VPS26B: variants seen among roughly 807,000 people sequenced by gnomAD.
VPS26B encodes the protein vacuolar protein sorting-associated protein 26B.
Under a neutral mutation model 33.3 loss-of-function variants are expected in VPS26B, and 10 were observed. That is an observed-to-expected ratio of 0.30 (90% confidence interval 0.19 to 0.51). The LOEUF (loss-of-function observed/expected upper bound fraction) is 0.51. Ranked by LOEUF, VPS26B falls within the 20% of genes least tolerant of loss-of-function variation. The pLI is 0.98. For missense variants in VPS26B, 317 were observed against 452.7 expected (o/e 0.70, Z 2.72); for synonymous variants, 190 against 176.9 (o/e 1.07, Z -0.59).
At chr11:134,227,568 C>T (rs1349262340) in intron 1 of VPS26B, among the ~76,000 whole-genome samples, 1 of 152,174 alleles carries the variant, frequency 6.6e-6, no homozygotes, top group African/African-American at 2.4e-5. Context: ...TTGTCTATCT[C>T]CTTACTCCTG....
At chr11:134,234,310 C>G (rs1212626895) in intron 1 of VPS26B, among the ~76,000 whole-genome samples, 1 of 152,206 alleles carries the variant, frequency 6.6e-6, no homozygotes, top group Non-Finnish European at 1.5e-5. Flanking sequence ...CTACTTCACA[C>G]AGAGCCTTGT....
At chr11:134,225,665 C>A (rs1260978525) in intron 1 of VPS26B, among the ~76,000 whole-genome samples, 1 of 152,210 alleles carries the variant, frequency 6.6e-6, no homozygotes, top group African/African-American at 2.4e-5. Context: ...TGCTTCTTGT[C>A]CCCAGGATTT....
chr11:134,229,712 G>GAAAAT, intron 1 of VPS26B, among the ~76,000 whole-genome samples: 1 of 152,134 alleles, frequency 6.6e-6, no homozygotes, highest in Non-Finnish European at 1.5e-5. Context: ...TCTGTTTGTA[G>GAAAAT]CAGCTTCCTA....
chr11:134,227,284 T>C (rs1394120656), intron 1 of VPS26B, among the ~76,000 whole-genome samples: 2 of 152,246 alleles, frequency 1.3e-5, no homozygotes, highest in African/African-American at 4.8e-5. Flanking sequence ...TCCTTGCCTA[T>C]TGAGCAAGGT....
chr11:134,242,156 G>A (rs1013194131), intron 3 of VPS26B, among the ~76,000 whole-genome samples: 2 of 152,204 alleles, frequency 1.3e-5, no homozygotes, highest in Non-Finnish European at 2.9e-5. Flanking sequence ...AGCATCCCCT[G>A]TAAGATGGCG....
chr11:134,238,385 A>G (rs1024120553), intron 2 of VPS26B, among the ~76,000 whole-genome samples: 3 of 152,132 alleles, frequency 2.0e-5, no homozygotes, highest in Admixed American at 6.5e-5. Flanking sequence ...TTAGTGGAGT[A>G]AAAGTCAGTG....
Position 134,224,720 on chromosome 11 carries a change from T to G in VPS26B, c.-403T>G, listed in dbSNP as rs1366087642. 2 of 151,472 alleles carry G rather than the reference T, an allele frequency of 1.3e-5. No individual in the cohort carries two copies. The highest frequency in any genetic ancestry group is 2.4e-5 in the African/African-American group (1 of 41,166). 9.4% of individuals were successfully genotyped at this position (151,472 alleles called of 1,614,324 possible). On this transcript the variant is annotated 5_prime_UTR_variant, in exon 1 of 6. Transcript: ENST00000281187. ...GTTGCACCGCCGGAGGCTGGGCAGC[T>G]CGCAGCGCTGCTCGGCGCTGGACCC...
Position 134,225,024 on chromosome 11 carries a change from G to C in VPS26B, c.-99G>C. 8.6e-7 allele frequency: 1 copy of C among 1,166,240 alleles called. No homozygotes were observed. The allele number at this position is 1,166,240 out of a possible 1,614,324, so 72.2% of individuals were successfully genotyped here. A position where few individuals can be genotyped will look rare whatever the true frequency, so the allele number is the denominator to read the frequency against. On this transcript the variant is annotated 5_prime_UTR_variant, in exon 1 of 6. Transcript: ENST00000281187. ...AGGCAGCCCCGCGGCGGCCGAGCGC[G>C]CTCGCGCATCGGGCCCTCTGGCCTT...
chr11:134,233,551 A>G (rs1019656400), intron 1 of VPS26B, among the ~76,000 whole-genome samples: 3 of 152,168 alleles, frequency 2.0e-5, no homozygotes, highest in African/African-American at 4.8e-5. Context: ...GTGAAACCCC[A>G]TCTCTACTAA....
At chr11:134,237,155 AC>A (rs1331600992) in intron 2 of VPS26B, among the ~76,000 whole-genome samples, 1 of 152,178 alleles carries the variant, frequency 6.6e-6, no homozygotes, top group Non-Finnish European at 1.5e-5. Flanking sequence ...ATTATTGTGG[AC>A]TTTTCTTTTG....
Position 134,244,820 on chromosome 11 carries a change from AGGCTGAAGTGCTC to A in VPS26B, c.722-116_722-104del. On this transcript the variant is annotated intron_variant, in intron 4 of 5. Transcript: ENST00000281187. This position sits in a 1 kb window ranked among gnomAD's most constrained non-coding sequence, Gnocchi z 4.0. ...AGCAGAGCGACTGCACCTTCCCAGA[AGGCTGAAGTGCTC>A]GTGTGCTGCACTCCAGTGGCATCTC... The A allele has an allele frequency of 7.2e-7, 1 of 1,387,920 alleles. No individual in the cohort carries two copies. The highest frequency in any genetic ancestry group is 9.6e-7 in the Non-Finnish European group (1 of 1,046,530). The allele number at this position is 1,387,920 out of a possible 1,614,324, so 86.0% of individuals were successfully genotyped here. A position where few individuals can be genotyped will look rare whatever the true frequency, so the allele number is the denominator to read the frequency against.
intron 1 of VPS26B, 52 bp downstream of exon 1, chr11:134,225,397 G>A (rs1349532554): frequency 6.3e-7 from 1 of 1,584,752 alleles, no homozygotes; most frequent in Non-Finnish European, 8.6e-7. Flanking sequence ...CGGCCGGGGA[G>A]CAGGGTGATT....
At chr11:134,226,113 A>T (rs1309350714) in intron 1 of VPS26B, among the ~76,000 whole-genome samples, 2 of 152,236 alleles carry the variant, frequency 1.3e-5, no homozygotes, top group Non-Finnish European at 2.9e-5. Context: ...CATTGGAACT[A>T]GACAGCGCCA....
In VPS26B at chr11:134,240,168, G is replaced by T. The variant is rs763869716; in HGVS notation, c.545+13G>T. The T allele has an allele frequency of 1.2e-6, 2 of 1,613,974 alleles. No individual in the cohort carries two copies. The highest frequency in any genetic ancestry group is 1.7e-5 in the Admixed American group (1 of 60,026). On this transcript the variant is annotated intron_variant, in intron 3 of 5. Coordinates refer to ENST00000281187, the MANE Select transcript of VPS26B (RefSeq NM_052875.5). This position sits in a 1 kb window ranked among gnomAD's most constrained non-coding sequence, Gnocchi z 4.4. Reference sequence around the variant, plus strand: ...ACAATAAATCCAAGTAAGTGTCTCAGTGCCAAGGTTGTGAAATGATTATTT... The same window carrying T: ...ACAATAAATCCAAGTAAGTGTCTCATTGCCAAGGTTGTGAAATGATTATTT...
intron 1 of VPS26B, 78 bp downstream of exon 1, chr11:134,225,423 C>A (rs1938434640): frequency 7.1e-7 from 1 of 1,413,018 alleles, no homozygotes. Flanking sequence ...CCCAGCTCCT[C>A]CGGCGAGGCC....
Position 134,225,279 on chromosome 11 carries a change from G to T in VPS26B, c.157G>T (p.Ala53Ser), listed in dbSNP as rs780349854. Residue 53 changes from alanine to serine, a missense_variant, in exon 1 of 6, where the codon GCC (alanine) becomes TCC (serine). Physicochemically the swap from Ala to Ser is moderately conservative, Grantham distance 99. Coordinates refer to ENST00000281187, the MANE Select transcript of VPS26B (RefSeq NM_052875.5). ...GACGGTCTCCGGGAAGGTGAGCCTT[G>T]CCCTCAAGAACCCCAACAAGCGGCT... ...GETVSGKVSLALKNPNKRLEH... is the reference protein window; with the variant it reads ...GETVSGKVSLSLKNPNKRLEH... 3.7e-6 allele frequency: 6 copies of T among 1,614,118 alleles called. No homozygotes were observed. Among genetic ancestry groups the T allele is most frequent in the Non-Finnish European group, 4.2e-6 (5 of 1,179,988 alleles).
intron 3 of VPS26B, among the ~76,000 whole-genome samples, chr11:134,241,069 A>G (rs150479493): frequency 1.3e-3 from 202 of 152,346 alleles, no homozygotes; most frequent in African/African-American, 4.7e-3. Flanking sequence ...AATAAATCAC[A>G]AAACTTTCTG....
At chr11:134,234,836 C>G in intron 1 of VPS26B, 61 bp from the exon 2 acceptor site, 1 of 1,576,768 alleles carries the variant, frequency 6.3e-7, no homozygotes, top group East Asian at 2.3e-5. Context: ...CAGCCCCCTA[C>G]TCGGCCCGGT....
rs1463344740 is a variant in VPS26B, at chr11:134,228,027, T to C, written c.223+2682T>C. On this transcript the variant is annotated intron_variant, in intron 1 of 5. Transcript: ENST00000281187. ...GATGGAGCCAGTCCCAGCTTTGTGC[T>C]GAAGTATATTGTTCACGCTCAATTA... Among the ~76,000 whole-genome samples the C allele has an allele frequency of 8.5e-5, 13 of 152,370 alleles. No individual in the cohort carries two copies. In the Middle Eastern group the frequency reaches 0.01, roughly 120 times the overall value.
Sources: gnomAD v4.1 joint callset for allele counts (sites outside exome capture counted in the v4.1 genomes callset) on GRCh38, gnomAD v4.1.1 for gene constraint, Gnocchi (gnomAD v3.1) non-coding constraint, MANE v1.5 for transcripts, NCBI Gene and HGNC (gene_info 2026-07-23, HGNC 2026-07-21) for gene names.